ADGB: variants seen among roughly 807,000 people sequenced by gnomAD.
The protein encoded by ADGB is calpain-7-like protein.
In ADGB, 172 loss-of-function variants were observed where a neutral mutation model predicts 210.5. The observed-to-expected ratio is 0.82, with a 90% CI of 0.72 to 0.93. The LOEUF (loss-of-function observed/expected upper bound fraction) is 0.93, where lower values mean the gene tolerates loss of function less well. Among genes scored for constraint, ADGB ranks in the 40% least tolerant of loss-of-function variants. ADGB has a pLI of 0.00. For synonymous variants in ADGB, 658 were observed against 662.7 expected, an observed-to-expected ratio of 0.99 and a Z score of 0.11; for missense variants, 2,025 against 1,964.8, an observed-to-expected ratio of 1.03 and a Z score of -0.58.
At chr6:146,685,957 T>C (rs1479799821) in intron 10 of ADGB, 129 bp downstream of exon 10, 4 of 516,134 alleles carry the variant, frequency 7.7e-6, no homozygotes, top group African/African-American at 6.0e-5. Context: ...GATGTCAGTT[T>C]CCTTATCTTT....
intron 28 of ADGB, among the ~76,000 whole-genome samples, chr6:146,764,483 G>GA: frequency 6.6e-6 from 1 of 151,862 alleles, no homozygotes; most frequent in East Asian, 1.9e-4. Flanking sequence ...CAATTAAAGG[G>GA]AAAAAAGATA....
intron 35 of ADGB, 60 bp downstream of exon 35, chr6:146,802,071 G>T (rs927336410): frequency 5.8e-5 from 64 of 1,109,044 alleles, no homozygotes; most frequent in Non-Finnish European, 5.2e-5. Flanking sequence ...ACATTAAAAA[G>T]AAATTATATA....
At chr6:146,782,411 C>A (rs1777814941) in intron 30 of ADGB, among the ~76,000 whole-genome samples, 1 of 152,188 alleles carries the variant, frequency 6.6e-6, no homozygotes, top group African/African-American at 2.4e-5. Context: ...GTATGTAGAA[C>A]ACTATTCATG....
intron 29 of ADGB, among the ~76,000 whole-genome samples, chr6:146,779,268 G>A (rs991756204): frequency 6.6e-6 from 1 of 152,164 alleles, no homozygotes; most frequent in African/African-American, 2.4e-5. Flanking sequence ...GGTAGTCTGA[G>A]ATTATGCAGT....
At chr6:146,670,589 T>A (rs887700902) in intron 7 of ADGB, among the ~76,000 whole-genome samples, 3 of 152,164 alleles carry the variant, frequency 2.0e-5, no homozygotes, top group African/African-American at 2.4e-5. Flanking sequence ...AAGTTATTCC[T>A]TCCCCAAGTT....
At chr6:146,782,904 G>A (rs1760963975) in intron 30 of ADGB, among the ~76,000 whole-genome samples, 2 of 152,142 alleles carry the variant, frequency 1.3e-5, no homozygotes, top group South Asian at 4.1e-4. Flanking sequence ...AGATACCTAT[G>A]AGTACAAAAT....
At chr6:146,715,885 T>C (rs1402847378) in intron 14 of ADGB, among the ~76,000 whole-genome samples, 2 of 149,486 alleles carry the variant, frequency 1.3e-5, no homozygotes, top group African/African-American at 4.9e-5. Flanking sequence ...CTGGCCAACA[T>C]GGTGAAACCC....
Position 146,764,231 on chromosome 6 carries a change from G to A in ADGB, c.3750+131G>A, listed in dbSNP as rs1211660396. 4.8e-5 allele frequency: 35 copies of A among 735,814 alleles called. 1 individual carries two copies. Among genetic ancestry groups the A allele is most frequent in the South Asian group, 1.0e-4 (4 of 38,994 alleles). The allele number at this position is 735,814 out of a possible 1,614,324, so 45.6% of individuals were successfully genotyped here. A position where few individuals can be genotyped will look rare whatever the true frequency, so the allele number is the denominator to read the frequency against. On this transcript the variant is annotated intron_variant, in intron 28 of 35. Transcript: ENST00000397944. ...ATGTATAGCCAGAATTGGAGAATAA[G>A]AGAGTCTTGAACAGTTTCTCTGTGC... is the stretch of plus-strand genomic sequence containing the variant.
intron 8 of ADGB, among the ~76,000 whole-genome samples, chr6:146,675,150 C>A (rs989421296): frequency 6.6e-6 from 1 of 151,968 alleles, no homozygotes; most frequent in African/African-American, 2.4e-5. Context: ...AGTGTTAAAT[C>A]TGCTGAAAAA....
chr6:146,664,419 AT>A (rs548940630), intron 6 of ADGB, 79 bp downstream of exon 6: 20 of 1,359,390 alleles, frequency 1.5e-5, no homozygotes, highest in Non-Finnish European at 1.7e-5. Flanking sequence ...TGCATAATTT[AT>A]TTTTTTAAAA....
At chr6:146,659,088 A>G (rs2114888005) in intron 5 of ADGB, among the ~76,000 whole-genome samples, 1 of 152,314 alleles carries the variant, frequency 6.6e-6, no homozygotes, top group South Asian at 2.1e-4. Flanking sequence ...AACATTAGTA[A>G]GAAGTTAGAG....
At chr6:146,792,935 G>A (rs1374573671) in intron 33 of ADGB, among the ~76,000 whole-genome samples, 1 of 152,174 alleles carries the variant, frequency 6.6e-6, no homozygotes, top group Admixed American at 6.5e-5. Context: ...GACCTTCGCA[G>A]TGAGTGTTAC....
intron 2 of ADGB, among the ~76,000 whole-genome samples, chr6:146,638,505 C>CA (rs1229090013): frequency 5.4e-5 from 8 of 147,066 alleles, no homozygotes; most frequent in Non-Finnish European, 1.0e-4. Flanking sequence ...ATCGCAAGGA[C>CA]AAAAAACCAA....
intron 25 of ADGB, among the ~76,000 whole-genome samples, chr6:146,745,612 C>A (rs1016422675): frequency 3.9e-5 from 6 of 152,202 alleles, no homozygotes; most frequent in African/African-American, 1.2e-4. Context: ...TGATAAAAAT[C>A]TGCCATGGGA....
Position 146,785,645 on chromosome 6 carries a change from C to A in ADGB, c.4248C>A (p.Phe1416Leu), listed in dbSNP as rs1490405295. The A allele has an allele frequency of 7.1e-6, 11 of 1,550,946 alleles. No individual in the cohort carries two copies. Among genetic ancestry groups the A allele is most frequent in the Non-Finnish European group, 9.6e-6 (11 of 1,146,570 alleles). Residue 1416 changes from phenylalanine (F) to leucine (L), a missense_variant, in exon 32 of 36, where the codon TTC (phenylalanine) becomes TTA (leucine). Coordinates refer to ENST00000397944, the MANE Select transcript of ADGB (RefSeq NM_024694.4). ...SQARLHYLSGFIKKTSDAESP... is the reference protein window; with the variant it reads ...SQARLHYLSGLIKKTSDAESP... ...CTCGTTTGCATTACCTTAGCGGGTT[C>A]ATTAAGAAAACATCTGATGCTGAGA...
At chr6:146,637,524 C>CA (rs1775442556) in intron 2 of ADGB, among the ~76,000 whole-genome samples, 2 of 152,054 alleles carry the variant, frequency 1.3e-5, no homozygotes, top group South Asian at 4.2e-4. Flanking sequence ...AATTTAGGAA[C>CA]ATCAAGGTAA....
At chr6:146,617,071 T>C (rs1583560791) in intron 1 of ADGB, among the ~76,000 whole-genome samples, 3 of 152,056 alleles carry the variant, frequency 2.0e-5, no homozygotes, top group Non-Finnish European at 4.4e-5. Flanking sequence ...TTCTTCCAAT[T>C]TATGAGAATG....
At chr6:146,672,155 C>T (rs1776018263) in intron 7 of ADGB, 65 bp from the exon 8 acceptor site, 2 of 1,436,488 alleles carry the variant, frequency 1.4e-6, no homozygotes, top group East Asian at 2.5e-5. Context: ...TCAGTAATTT[C>T]TTGCGAAGTT....
At position 146,635,412 on chromosome 6, in the gene ADGB, A is replaced by G; in HGVS notation, c.112A>G (p.Thr38Ala). The change falls in exon 2 of 36, where the codon ACT (threonine) becomes GCT (alanine). Residue 38 changes from threonine (T) to alanine (A), a missense_variant. Coordinates refer to ENST00000397944, the MANE Select transcript of ADGB (RefSeq NM_024694.4). ...PFGSNVQSGS[T>A]EQKKGKFPLW... ...TGGCAGTAATGTACAATCTGGTTCTACTGAACAAAAGAAGGGGAAATTCCC... is the reference window on the plus strand; with the variant it reads ...TGGCAGTAATGTACAATCTGGTTCTGCTGAACAAAAGAAGGGGAAATTCCC... 6.5e-7 allele frequency: 1 copy of G among 1,546,838 alleles called. No homozygotes were observed. The highest frequency in any genetic ancestry group is 2.0e-5 in the Admixed American group (1 of 50,446).
Sources: gnomAD v4.1 joint callset for allele counts (sites outside exome capture counted in the v4.1 genomes callset) on GRCh38, gnomAD v4.1.1 for gene constraint, MANE v1.5 for transcripts, NCBI Gene and HGNC (gene_info 2026-07-23, HGNC 2026-07-21) for gene names.